ALPK1: variants seen among roughly 807,000 people sequenced by gnomAD.
ALPK1 encodes alpha kinase 1, also known as alpha-protein kinase 1.
In ALPK1, 110 loss-of-function variants were observed where a neutral mutation model predicts 120.6. That is an observed-to-expected ratio of 0.91 (90% CI 0.78 to 1.07). The LOEUF (loss-of-function observed/expected upper bound fraction) is 1.07, where lower values mean the gene tolerates loss of function less well. ALPK1 is among the 50% of genes least tolerant of loss of function. The pLI, the probability that ALPK1 is intolerant of heterozygous loss-of-function variation, is 0.00. For missense variants in ALPK1, 1,498 were observed against 1,483.9 expected (o/e 1.01, Z -0.16); for synonymous variants, 582 against 560.3 (o/e 1.04, Z -0.55).
At position 112,441,288 on chromosome 4, in the gene ALPK1, T is replaced by A; in HGVS notation, c.*78T>A. 1 of 967,880 alleles carries A rather than the reference T, an allele frequency of 1.0e-6. No homozygotes were observed. The highest frequency in any genetic ancestry group is 1.7e-6 in the Non-Finnish European group (1 of 589,644). 60.0% of individuals were successfully genotyped at this position (967,880 alleles called of 1,614,324 possible). ...CTGGCCAATGATTTGCAAGAGGAAT[T>A]GATCAGTATCACTTTAAGTCCTGCA... On this transcript the variant is annotated 3_prime_UTR_variant, in exon 16 of 16. Coordinates refer to ENST00000650871, the MANE Select transcript of ALPK1 (RefSeq NM_025144.4).
At chr4:112,418,124 C>T (rs1161446475) in intron 5 of ALPK1, among the ~76,000 whole-genome samples, 1 of 152,152 alleles carries the variant, frequency 6.6e-6, no homozygotes, top group Non-Finnish European at 1.5e-5. Flanking sequence ...AGATAGAACA[C>T]CTAAAAAAGA....
chr4:112,430,573 T>A lies in ALPK1; in HGVS notation c.1026T>A (p.Asp342Glu). The A allele has an allele frequency of 6.2e-7, 1 of 1,614,164 alleles. No individual in the cohort carries two copies. The highest frequency in any genetic ancestry group is 8.5e-7 in the Non-Finnish European group (1 of 1,180,030). Residue 342 changes from aspartate (D) to glutamate (E), a missense_variant, in exon 11 of 16, where the codon GAT becomes GAA. By Grantham distance (45) the Asp-to-Glu change is conservative (BLOSUM62 2). Coordinates refer to ENST00000650871, the MANE Select transcript of ALPK1 (RefSeq NM_025144.4). ...FEIGLLTKRD[D>E]EPVTGKQELH... The stretch of plus-strand genomic sequence containing the variant: ...TTGGCCTCCTCACCAAGAGAGATGA[T>A]GAGCCTGTTACTGGAAAACAGGAGC...
chr4:112,433,238 A>T (rs1173428694), intron 11 of ALPK1, among the ~76,000 whole-genome samples: 1 of 152,184 alleles, frequency 6.6e-6, no homozygotes, highest in African/African-American at 2.4e-5. Context: ...ACAGAAATTT[A>T]TTCCTCATAA....
chr4:112,424,955 AAAAC>A (rs1184961073), intron 6 of ALPK1: 4 of 150,140 alleles, frequency 2.7e-5, no homozygotes, highest in Non-Finnish European at 3.0e-5. Context: ...CAGTCCGATT[AAAAC>A]AAACAAACAA....
intron 2 of ALPK1, among the ~76,000 whole-genome samples, chr4:112,326,123 A>T (rs1729104842): frequency 6.6e-6 from 1 of 152,140 alleles, no homozygotes; most frequent in Non-Finnish European, 1.5e-5. Context: ...TGCAGTAGAG[A>T]TGATCATCAT....
chr4:112,406,046 G>A (rs754875312), intron 4 of ALPK1, among the ~76,000 whole-genome samples: 1 of 151,976 alleles, frequency 6.6e-6, no homozygotes, highest in African/African-American at 2.4e-5. Context: ...AAAATGGTGC[G>A]AACTCTGTGG....
intron 4 of ALPK1, among the ~76,000 whole-genome samples, chr4:112,403,554 G>A (rs905538806): frequency 1.3e-5 from 2 of 152,202 alleles, no homozygotes; most frequent in Non-Finnish European, 2.9e-5. Context: ...GGGGATGCCA[G>A]GTCCTCCAGA....
chr4:112,389,974 A>C (rs1732331163), intron 4 of ALPK1, among the ~76,000 whole-genome samples: 1 of 152,160 alleles, frequency 6.6e-6, no homozygotes, highest in African/African-American at 2.4e-5. Flanking sequence ...AGCTGCAGCT[A>C]TATCTCACCT....
At chr4:112,391,619 G>A (rs978791346) in intron 4 of ALPK1, among the ~76,000 whole-genome samples, 8 of 152,284 alleles carry the variant, frequency 5.3e-5, no homozygotes, top group African/African-American at 1.7e-4. Context: ...GAGACATAGG[G>A]TAAATGCCAT....
At chr4:112,390,015 C>T (rs186998936) in intron 4 of ALPK1, among the ~76,000 whole-genome samples, 21 of 152,328 alleles carry the variant, frequency 1.4e-4, no homozygotes, top group Admixed American at 2.6e-4. Flanking sequence ...TGAATAGCCT[C>T]ACACATCTAC....
intron 2 of ALPK1, among the ~76,000 whole-genome samples, chr4:112,335,999 AAACCAACC>A (rs71595590): frequency 6.6e-5 from 10 of 151,788 alleles, no homozygotes; most frequent in Non-Finnish European, 2.9e-5. Context: ...AATGAACGTA[AAACCAACC>A]AACCAACCAA....
At position 112,438,515 on chromosome 4, in the gene ALPK1, G is replaced by A; in HGVS notation, c.3220G>A (p.Gly1074Arg). ...TGGGAAAGACTATAAGGAGCAGAAG[G>A]GGCTCTGGCACCACTTCACTGATGT... ...YVGKDYKEQK[G>R]LWHHFTDVER... The change falls in exon 13 of 16, where the codon GGG becomes AGG. Residue 1074 changes from glycine to arginine, a missense_variant. Gly to Arg is a moderately radical substitution (Grantham distance 125, BLOSUM62 -2). Coordinates refer to ENST00000650871, the MANE Select transcript of ALPK1 (RefSeq NM_025144.4). 6.2e-7 allele frequency: 1 copy of A among 1,613,690 alleles called. No individual in the cohort carries two copies. Among genetic ancestry groups the A allele is most frequent in the Non-Finnish European group, 8.5e-7 (1 of 1,179,768 alleles).
chr4:112,369,722 T>C (rs1731320269), intron 2 of ALPK1, among the ~76,000 whole-genome samples: 1 of 152,178 alleles, frequency 6.6e-6, no homozygotes, highest in Non-Finnish European at 1.5e-5. Flanking sequence ...ATAATAATTA[T>C]TCATGTACAT....
At chr4:112,321,678 T>G (rs1728872800) in intron 2 of ALPK1, among the ~76,000 whole-genome samples, 1 of 152,238 alleles carries the variant, frequency 6.6e-6, no homozygotes, top group South Asian at 2.1e-4. Context: ...ATTGATATAT[T>G]GAAACATCAT....
At chr4:112,348,888 GAGA>G (rs888332313) in intron 2 of ALPK1, among the ~76,000 whole-genome samples, 16 of 152,172 alleles carry the variant, frequency 1.1e-4, no homozygotes, top group African/African-American at 3.6e-4. Context: ...CGGAGCAAAG[GAGA>G]AGATGAGGGG....
chr4:112,385,278 G>C (rs1029394452), intron 4 of ALPK1, among the ~76,000 whole-genome samples: 5 of 152,178 alleles, frequency 3.3e-5, no homozygotes, highest in Non-Finnish European at 5.9e-5. Flanking sequence ...AGTTGGAGTA[G>C]ACTATTTTAA....
chr4:112,381,554 C>CTAGTG (rs957043449), intron 3 of ALPK1, among the ~76,000 whole-genome samples: 5 of 152,162 alleles, frequency 3.3e-5, no homozygotes, highest in Admixed American at 6.5e-5. Flanking sequence ...CAGAATTTTT[C>CTAGTG]TAGTGTTAGG....
chr4:112,362,331 C>CA (rs898391941), intron 2 of ALPK1, among the ~76,000 whole-genome samples: 3 of 151,588 alleles, frequency 2.0e-5, no homozygotes, highest in East Asian at 1.9e-4. Flanking sequence ...TTAAGGAAAT[C>CA]AAAAAAATGA....
intron 3 of ALPK1, among the ~76,000 whole-genome samples, chr4:112,378,527 G>C (rs769825907): frequency 6.6e-6 from 1 of 151,842 alleles, no homozygotes; most frequent in Non-Finnish European, 1.5e-5. Context: ...ACAAAGTCTA[G>C]AAAGTTAAAG....
Sources: gnomAD v4.1 joint callset for allele counts (sites outside exome capture counted in the v4.1 genomes callset) on GRCh38, gnomAD v4.1.1 for gene constraint, MANE v1.5 for transcripts, NCBI Gene and HGNC (gene_info 2026-07-23, HGNC 2026-07-21) for gene names.